Variants in SH3BP4 observed in about 807,000 individuals in gnomAD.
SH3BP4 encodes the protein SH3 domain binding protein 4.
SH3BP4 carries 33 observed loss-of-function variants against 65.5 expected under a neutral mutation model. That is an observed-to-expected ratio of 0.50 (90% CI 0.38 to 0.67). The LOEUF is 0.67. Ranked by LOEUF, SH3BP4 falls within the 30% of genes least tolerant of loss-of-function variation. The probability of loss-of-function intolerance (pLI) is 0.00; values close to 1 mark genes in which losing one functional copy is unlikely to be tolerated. For synonymous variants in SH3BP4, 552 were observed against 545.5 expected, an observed-to-expected ratio of 1.01 and a Z score of -0.17; for missense variants, 1,134 against 1,261.4, an observed-to-expected ratio of 0.90 and a Z score of 1.53.
chr2:235,038,389 A>ATATATG (rs1695520584), intron 3 of SH3BP4, among the ~76,000 whole-genome samples: 1 of 16,976 alleles, frequency 5.9e-5, no homozygotes, highest in African/African-American at 2.4e-4. Flanking sequence ...ATATATATAT[A>ATATATG]TATATATATA....
intron 1 of SH3BP4, among the ~76,000 whole-genome samples, chr2:234,983,045 T>C (rs1168957083): frequency 6.6e-6 from 1 of 152,170 alleles, no homozygotes; most frequent in Non-Finnish European, 1.5e-5. Flanking sequence ...CCTTTTCTGT[T>C]CAGGCAGCAG....
At chr2:234,985,951 T>C (rs1169920302) in intron 1 of SH3BP4, among the ~76,000 whole-genome samples, 128 of 145,598 alleles carry the variant, frequency 8.8e-4, no homozygotes, top group African/African-American at 3.2e-3. Context: ...CAGCCCTTGA[T>C]ATACATCTAT....
At position 235,041,875 on chromosome 2, in the gene SH3BP4, A is replaced by C. The variant is rs1695662457; in HGVS notation, c.1106A>C (p.Asp369Ala). The C allele has an allele frequency of 6.2e-7, 1 of 1,611,786 alleles. No homozygotes were observed. The highest frequency in any genetic ancestry group is 8.5e-7 in the Non-Finnish European group (1 of 1,178,642). Reference sequence around the variant, plus strand: ...GACCCCCCGCTGGAGCTCAACAGTGACAGGTCCTGCAGCATCAGCCCTGTG... The same window carrying C: ...GACCCCCCGCTGGAGCTCAACAGTGCCAGGTCCTGCAGCATCAGCCCTGTG... ...LLDPPLELNSDRSCSISPVLE... is the reference protein window; with the variant it reads ...LLDPPLELNSARSCSISPVLE... The change falls in exon 4 of 6, where the codon GAC (aspartate) becomes GCC (alanine). Residue 369 changes from aspartate to alanine, a missense_variant. Coordinates refer to ENST00000392011, the MANE Select transcript of SH3BP4 (RefSeq NM_014521.3). The surrounding 1 kb of genome is among the most constrained non-coding windows in gnomAD (Gnocchi z 6.0).
intron 2 of SH3BP4, among the ~76,000 whole-genome samples, chr2:235,006,924 C>G (rs1037832285): frequency 6.6e-6 from 1 of 152,138 alleles, no homozygotes; most frequent in Non-Finnish European, 1.5e-5. Context: ...CACGCCGCAT[C>G]TGTGTGTCCT....
intron 1 of SH3BP4, among the ~76,000 whole-genome samples, chr2:234,960,377 G>A (rs1326960294): frequency 6.6e-6 from 1 of 152,196 alleles, no homozygotes; most frequent in African/African-American, 2.4e-5. Context: ...CTCTGTTCCG[G>A]TTCAGTACAG....
intron 1 of SH3BP4, among the ~76,000 whole-genome samples, chr2:234,970,060 TAC>T (rs1210932438): frequency 5.7e-4 from 75 of 131,584 alleles, no homozygotes; most frequent in Non-Finnish European, 9.8e-4. Flanking sequence ...CACACACTCA[TAC>T]ACACACTCAC....
chr2:234,958,041 A>T (rs770602238), intron 1 of SH3BP4, among the ~76,000 whole-genome samples: 2 of 152,028 alleles, frequency 1.3e-5, no homozygotes, highest in Non-Finnish European at 2.9e-5. Context: ...AAAGGAAAAG[A>T]GTCTTCCTTC....
At position 235,041,100 on chromosome 2, in the gene SH3BP4, C is replaced by T. The variant is rs1437259159; in HGVS notation, c.331C>T (p.Pro111Ser). ...CTACATCCCCTCCTCCTATGTGCAG[C>T]CCTTGAACTACCGGAACTCAACACT... is the stretch of plus-strand genomic sequence containing the variant. ...MGYIPSSYVQ[P>S]LNYRNSTLSD... The change falls in exon 4 of 6, where the codon CCC becomes TCC. Residue 111 changes from proline (P) to serine (S), a missense_variant. By Grantham distance (74) the Pro-to-Ser change is moderately conservative (BLOSUM62 -1). Coordinates refer to ENST00000392011, the MANE Select transcript of SH3BP4 (RefSeq NM_014521.3). The surrounding 1 kb of genome is among the most constrained non-coding windows in gnomAD (Gnocchi z 6.0). 1 of 1,614,134 alleles carries T rather than the reference C, an allele frequency of 6.2e-7. No homozygotes were observed.
In SH3BP4 at chr2:234,974,690, C is replaced by T. The variant is rs574877356; in HGVS notation, c.-206-20613C>T. Among the ~76,000 whole-genome samples, 7 of 152,300 alleles carry T rather than the reference C, an allele frequency of 4.6e-5. No individual in the cohort carries two copies. The highest frequency in any genetic ancestry group is 1.7e-4 in the African/African-American group (7 of 41,564). ...GCTTCATGCAGCCCGCGGCCCAGGG[C>T]GTTCACAAGCTCTCTTAGTTCCGAA... On this transcript the variant is annotated intron_variant, in intron 1 of 5. Transcript: ENST00000392011. This position sits in a 1 kb window ranked among gnomAD's most constrained non-coding sequence, Gnocchi z 4.6.
chr2:235,000,175 CTGG>C (rs1694054167), intron 2 of SH3BP4, among the ~76,000 whole-genome samples: 1 of 152,330 alleles, frequency 6.6e-6, no homozygotes, highest in South Asian at 2.1e-4. Context: ...TTATCCTCGG[CTGG>C]GCTTCTCTGC....
chr2:234,956,501 G>C (rs1692588331), intron 1 of SH3BP4, among the ~76,000 whole-genome samples: 1 of 151,998 alleles, frequency 6.6e-6, no homozygotes, highest in African/African-American at 2.4e-5. Flanking sequence ...TCCTTTGAAA[G>C]GATTTTATGG....
chr2:234,957,382 A>G (rs1457570511), intron 1 of SH3BP4, among the ~76,000 whole-genome samples: 2 of 151,974 alleles, frequency 1.3e-5, no homozygotes, highest in African/African-American at 4.8e-5. Flanking sequence ...GTGTGAGCCA[A>G]GAAGAGCTGG....
At position 235,052,676 on chromosome 2, in the gene SH3BP4, G is replaced by A; in HGVS notation, c.2593G>A (p.Ala865Thr). The A allele has an allele frequency of 6.2e-7, 1 of 1,601,222 alleles. No homozygotes were observed. The highest frequency in any genetic ancestry group is 8.5e-7 in the Non-Finnish European group (1 of 1,174,470). ...QRWRELAEKL[A>T]KVSKQQMDAY... ...CTGGCGGGAGCTGGCTGAGAAGCTG[G>A]CCAAGGTCTCCAAGCAGCAGATGGA... The change falls in exon 5 of 6, where the codon GCC becomes ACC. Residue 865 changes from alanine to threonine, a missense_variant. Physicochemically the swap from Ala to Thr is moderately conservative, Grantham distance 58 (BLOSUM62 0). Transcript: ENST00000392011. The surrounding 1 kb of genome is among the most constrained non-coding windows in gnomAD (Gnocchi z 5.0).
chr2:235,032,055 C>A (rs2106321721), intron 2 of SH3BP4, among the ~76,000 whole-genome samples: 1 of 152,348 alleles, frequency 6.6e-6, no homozygotes, highest in East Asian at 1.9e-4. Context: ...GTGGCCGAGG[C>A]AACCCTTTCC....
At chr2:235,000,633 G>A (rs1039929968) in intron 2 of SH3BP4, among the ~76,000 whole-genome samples, 6 of 152,336 alleles carry the variant, frequency 3.9e-5, no homozygotes, top group Non-Finnish European at 7.3e-5. Flanking sequence ...CCATTGCGTA[G>A]AGGTGGGTCC....
At chr2:235,038,350 TTATATA>T (rs1203643733) in intron 3 of SH3BP4, among the ~76,000 whole-genome samples, 89 of 3,602 alleles carry the variant, frequency 0.025, 4 homozygotes, top group Non-Finnish European at 0.028. Context: ...TATATATATT[TTATATA>T]TATATATATA....
chr2:234,984,244 C>G (rs1332898411), intron 1 of SH3BP4, among the ~76,000 whole-genome samples: 1 of 152,170 alleles, frequency 6.6e-6, no homozygotes, highest in Non-Finnish European at 1.5e-5. Context: ...CATTCTGTCT[C>G]CAGGCTGGAG....
intron 1 of SH3BP4, among the ~76,000 whole-genome samples, chr2:234,969,703 C>T (rs1302455945): frequency 2.0e-5 from 3 of 152,226 alleles, no homozygotes; most frequent in East Asian, 3.9e-4. Flanking sequence ...TGCTCCTGCC[C>T]TGCCTCCTCT....
chr2:235,022,243 A>C (rs979847607), intron 2 of SH3BP4, among the ~76,000 whole-genome samples: 5 of 152,212 alleles, frequency 3.3e-5, no homozygotes, highest in Admixed American at 2.6e-4. Context: ...ATAATCCACA[A>C]GGTAGGACAT....
Sources: allele counts gnomAD v4.1 joint callset (sites outside exome capture counted in the v4.1 genomes callset), GRCh38; gene constraint gnomAD v4.1.1; non-coding constraint Gnocchi (gnomAD v3.1); transcripts MANE v1.5; gene names NCBI Gene and HGNC (gene_info 2026-07-23, HGNC 2026-07-21).